The following SPAG16 variants were observed in gnomAD, a reference collection of about 807,000 sequenced individuals.
The protein encoded by SPAG16 is sperm associated antigen 16.
A neutral mutation model predicts 80.4 loss-of-function variants in SPAG16; 86 were observed. That is an observed-to-expected ratio of 1.07 (90% CI 0.90 to 1.28). The LOEUF (loss-of-function observed/expected upper bound fraction) is 1.28, where lower values mean the gene tolerates loss of function less well. Ranked by LOEUF, SPAG16 falls within the 50% of genes most tolerant of loss-of-function variation. The probability of loss-of-function intolerance (pLI) is 0.00; values close to 1 mark genes in which losing one functional copy is unlikely to be tolerated. For synonymous variants in SPAG16, 294 were observed against 265.9 expected, an observed-to-expected ratio of 1.11 and a Z score of -1.03; for missense variants, 870 against 765.3, an observed-to-expected ratio of 1.14 and a Z score of -1.61.
intron 14 of SPAG16, among the ~76,000 whole-genome samples, chr2:214,137,596 T>G (rs1192206883): frequency 6.6e-6 from 1 of 152,122 alleles, no homozygotes; most frequent in Non-Finnish European, 1.5e-5. Flanking sequence ...TGTGATATAC[T>G]CTAGTAGTTT....
At chr2:213,854,264 A>G (rs4476297) in intron 10 of SPAG16, among the ~76,000 whole-genome samples, 52,252 of 151,960 alleles carry the variant, frequency 0.34, 9,412 homozygotes, top group South Asian at 0.47. Context: ...TAAAAGAAAA[A>G]AGTATGAATG....
chr2:213,352,535 A>G (rs1458112361), intron 7 of SPAG16, among the ~76,000 whole-genome samples: 3 of 152,146 alleles, frequency 2.0e-5, no homozygotes, highest in African/African-American at 4.8e-5. Context: ...TTGTGTTTCA[A>G]GTTGCTCCTT....
At chr2:213,589,168 A>C (rs2060591900) in intron 10 of SPAG16, among the ~76,000 whole-genome samples, 1 of 152,214 alleles carries the variant, frequency 6.6e-6, no homozygotes, top group African/African-American at 2.4e-5. Context: ...GCTTATGTTC[A>C]TGTATGAAGT....
At chr2:214,308,100 G>A (rs1238685505) in intron 15 of SPAG16, among the ~76,000 whole-genome samples, 1 of 152,144 alleles carries the variant, frequency 6.6e-6, no homozygotes, top group Non-Finnish European at 1.5e-5. Flanking sequence ...ATTTAGGATA[G>A]TTAGCTCTTC....
intron 8 of SPAG16, chr2:213,364,880 C>G (rs188824705): frequency 3.3e-5 from 5 of 152,338 alleles, no homozygotes; most frequent in African/African-American, 1.2e-4. Flanking sequence ...GGAAAGACCT[C>G]TTTCACACCT....
intron 15 of SPAG16, among the ~76,000 whole-genome samples, chr2:214,167,165 A>G (rs1378176789): frequency 6.6e-6 from 1 of 152,184 alleles, no homozygotes; most frequent in African/African-American, 2.4e-5. Context: ...AAACACTTAC[A>G]TAGCATAATT....
intron 10 of SPAG16, among the ~76,000 whole-genome samples, chr2:213,641,107 T>C (rs899471622): frequency 1.9e-4 from 29 of 152,250 alleles, no homozygotes; most frequent in African/African-American, 6.7e-4. Context: ...TGGGTGGGGC[T>C]TGCTGCAACC....
At chr2:213,924,437 C>T (rs1477794600) in intron 11 of SPAG16, among the ~76,000 whole-genome samples, 1 of 152,162 alleles carries the variant, frequency 6.6e-6, no homozygotes, top group Non-Finnish European at 1.5e-5. Flanking sequence ...TAGCTTTGCT[C>T]CTCTCTGTTC....
chr2:213,353,999 T>G (rs1388553663), intron 7 of SPAG16, among the ~76,000 whole-genome samples: 1 of 152,208 alleles, frequency 6.6e-6, no homozygotes, highest in African/African-American at 2.4e-5. Context: ...CATCGTCATT[T>G]ACATTAGGTA....
At chr2:213,991,582 C>G (rs939962940) in intron 12 of SPAG16, among the ~76,000 whole-genome samples, 1 of 152,158 alleles carries the variant, frequency 6.6e-6, no homozygotes, top group Non-Finnish European at 1.5e-5. Context: ...GACCCCCGCA[C>G]TTGTCCCACG....
chr2:213,724,555 A>G (rs1002446326), intron 10 of SPAG16, among the ~76,000 whole-genome samples: 3 of 152,076 alleles, frequency 2.0e-5, no homozygotes, highest in African/African-American at 7.2e-5. Context: ...AGGCAGGTGG[A>G]TCACCTGAGG....
At chr2:213,547,541 T>C (rs1204233260) in intron 10 of SPAG16, among the ~76,000 whole-genome samples, 2 of 152,188 alleles carry the variant, frequency 1.3e-5, no homozygotes, top group African/African-American at 4.8e-5. Flanking sequence ...TAAAGAACAG[T>C]GTAATTGATT....
At chr2:213,470,041 C>T (rs185378988) in intron 9 of SPAG16, among the ~76,000 whole-genome samples, 1 of 152,232 alleles carries the variant, frequency 6.6e-6, no homozygotes, top group Non-Finnish European at 1.5e-5. Context: ...GTGAGTGGTG[C>T]CACTTCCACT....
At chr2:213,597,937 A>G (rs1342847078) in intron 10 of SPAG16, among the ~76,000 whole-genome samples, 1 of 152,170 alleles carries the variant, frequency 6.6e-6, no homozygotes. Flanking sequence ...GGAAAGATTA[A>G]CTGAGAATCT....
At chr2:213,589,912 A>G (rs2124913619) in intron 10 of SPAG16, among the ~76,000 whole-genome samples, 1 of 124,570 alleles carries the variant, frequency 8.0e-6, no homozygotes, top group East Asian at 2.1e-4. Flanking sequence ...ACAGAACGAA[A>G]CTCCATCTCA....
chr2:213,683,886 A>C (rs2064521132), intron 10 of SPAG16, among the ~76,000 whole-genome samples: 2 of 152,222 alleles, frequency 1.3e-5, no homozygotes, highest in Admixed American at 1.3e-4. Flanking sequence ...TGACTGTTAA[A>C]TACTTCATTT....
chr2:214,332,140 T>C (rs548328036), intron 15 of SPAG16, among the ~76,000 whole-genome samples: 8 of 152,252 alleles, frequency 5.3e-5, no homozygotes, highest in African/African-American at 1.9e-4. Context: ...TGAGCCCAGC[T>C]AGTTGGGAGG....
At chr2:213,638,036 C>T (rs778596248) in intron 10 of SPAG16, among the ~76,000 whole-genome samples, 7 of 152,144 alleles carry the variant, frequency 4.6e-5, no homozygotes, top group Non-Finnish European at 8.8e-5. Flanking sequence ...GGATTACAGG[C>T]GTGAGCCATC....
chr2:213,801,376 A>C (rs1424074567), intron 10 of SPAG16, among the ~76,000 whole-genome samples: 4 of 152,234 alleles, frequency 2.6e-5, no homozygotes, highest in Non-Finnish European at 5.9e-5. Context: ...TCTGTCATTT[A>C]TTTCCATTGT....
Sources: gnomAD v4.1 joint callset for allele counts (sites outside exome capture counted in the v4.1 genomes callset) on GRCh38, gnomAD v4.1.1 for gene constraint, MANE v1.5 for transcripts, NCBI Gene and HGNC (gene_info 2026-07-23, HGNC 2026-07-21) for gene names.